The following PARD3B variants were observed in gnomAD, a reference collection of about 807,000 sequenced individuals.
The protein encoded by PARD3B is partitioning defective 3 homolog B.
Under a neutral mutation model 130.2 loss-of-function variants are expected in PARD3B, and 103 were observed. The observed-to-expected ratio is 0.79, with a 90% CI of 0.67 to 0.93. PARD3B has a LOEUF of 0.93. PARD3B is among the 40% of genes least tolerant of loss of function. PARD3B has a pLI of 0.00. For missense variants in PARD3B, 1,609 were observed against 1,499.2 expected, an observed-to-expected ratio of 1.07 and a Z score of -1.21; for synonymous variants, 583 against 553.2, an observed-to-expected ratio of 1.05 and a Z score of -0.76.
chr2:204,663,263 G>T (rs748278909), intron 1 of PARD3B, among the ~76,000 whole-genome samples: 3 of 152,130 alleles, frequency 2.0e-5, no homozygotes, highest in Non-Finnish European at 4.4e-5. Context: ...GCTAGCCTCG[G>T]CTTCCTGAGG....
chr2:205,131,564 G>C (rs1279303136), intron 10 of PARD3B, among the ~76,000 whole-genome samples: 1 of 152,178 alleles, frequency 6.6e-6, no homozygotes, highest in Non-Finnish European at 1.5e-5. Flanking sequence ...GAAAAGAAGA[G>C]TGATAAGTGG....
rs192958423 is a variant in PARD3B, at chr2:205,559,752, C to A, written c.3260+6349C>A. On this transcript the variant is annotated intron_variant, in intron 22 of 22. Coordinates refer to ENST00000406610, the MANE Select transcript of PARD3B (RefSeq NM_001302769.2). The stretch of plus-strand genomic sequence containing the variant: ...TAGCTAGGATTACAGGCACGCACCA[C>A]CATGCCCGGCTAATTTTTGTATTTT... Among the ~76,000 whole-genome samples, 76 of 152,148 alleles carry A rather than the reference C, an allele frequency of 5.0e-4. 1 individual carries two copies. The highest frequency in any genetic ancestry group is 1.8e-3 in the African/African-American group (73 of 41,528).
chr2:205,104,564 GT>G, intron 5 of PARD3B, 50 bp downstream of exon 5: 3 of 1,245,586 alleles, frequency 2.4e-6, no homozygotes, highest in South Asian at 1.3e-5. Context: ...AATTTGATGT[GT>G]TTTTTAATAG....
intron 4 of PARD3B, among the ~76,000 whole-genome samples, chr2:205,057,807 C>T (rs1699828326): frequency 6.6e-6 from 1 of 150,452 alleles, no homozygotes; most frequent in South Asian, 2.1e-4. Flanking sequence ...TTATATACAT[C>T]TCCTGCCTTG....
chr2:204,760,782 A>T (rs377089066), intron 2 of PARD3B, among the ~76,000 whole-genome samples: 1 of 152,188 alleles, frequency 6.6e-6, no homozygotes, highest in Non-Finnish European at 1.5e-5. Flanking sequence ...GTACTGTGCT[A>T]TAAAATGTCT....
intron 16 of PARD3B, among the ~76,000 whole-genome samples, chr2:205,252,275 C>T (rs2039881920): frequency 1.3e-5 from 2 of 152,224 alleles, no homozygotes; most frequent in South Asian, 4.1e-4. Flanking sequence ...TTATTAAATG[C>T]CCACTCTACA....
At chr2:205,127,247 A>G (rs1313347839) in intron 10 of PARD3B, among the ~76,000 whole-genome samples, 1 of 149,714 alleles carries the variant, frequency 6.7e-6, no homozygotes, top group Non-Finnish European at 1.5e-5. Context: ...CAGTGAGCCA[A>G]GATTGCACGA....
intron 2 of PARD3B, among the ~76,000 whole-genome samples, chr2:204,829,800 C>T (rs898143839): frequency 1.3e-5 from 2 of 151,978 alleles, no homozygotes; most frequent in African/African-American, 2.4e-5. Flanking sequence ...GAGATCAAGA[C>T]CATCCTGGCT....
At chr2:205,336,823 A>T (rs1194858878) in intron 18 of PARD3B, among the ~76,000 whole-genome samples, 3 of 152,176 alleles carry the variant, frequency 2.0e-5, no homozygotes, top group Non-Finnish European at 4.4e-5. Context: ...GGCCACTTTT[A>T]AGAACCAAGT....
At chr2:205,012,965 T>C (rs752075648) in intron 3 of PARD3B, among the ~76,000 whole-genome samples, 1 of 152,228 alleles carries the variant, frequency 6.6e-6, no homozygotes, top group African/African-American at 2.4e-5. Context: ...CTTTAACTTA[T>C]CTAGCATAAG....
intron 15 of PARD3B, among the ~76,000 whole-genome samples, chr2:205,200,711 A>G (rs1481089492): frequency 6.6e-6 from 1 of 152,248 alleles, no homozygotes; most frequent in Admixed American, 6.5e-5. Context: ...GTATACAGTG[A>G]ATAAATAATA....
At position 205,615,783 on chromosome 2, in the gene PARD3B, G is replaced by T. The variant is rs2055413735; in HGVS notation, c.3588G>T (p.Arg1196=). 1.2e-6 allele frequency: 2 copies of T among 1,613,780 alleles called. No individual in the cohort carries two copies. Among genetic ancestry groups the T allele is most frequent in the Non-Finnish European group, 1.7e-6 (2 of 1,179,852 alleles). The change falls in exon 23 of 23, where the codon CGG becomes CGT. Residue 1196 remains arginine, a synonymous_variant. Coordinates refer to ENST00000406610, the MANE Select transcript of PARD3B (RefSeq NM_001302769.2). ...ACCCTTACCGAACCCAGGATTCCCGGCAGAAGAACCCCATGACTGCAGCCG... is the reference window on the plus strand; with the variant it reads ...ACCCTTACCGAACCCAGGATTCCCGTCAGAAGAACCCCATGACTGCAGCCG... ...DQYPYRTQDS[R]QKNPMTAAV is the part of the protein sequence containing the mutation.
chr2:204,802,800 A>G (rs2042619100), intron 2 of PARD3B, among the ~76,000 whole-genome samples: 1 of 152,048 alleles, frequency 6.6e-6, no homozygotes, highest in African/African-American at 2.4e-5. Flanking sequence ...ATGAGAACAT[A>G]TGGACACAGG....
intron 4 of PARD3B, among the ~76,000 whole-genome samples, chr2:205,075,339 ATTTCT>A (rs1419950114): frequency 6.6e-6 from 1 of 152,104 alleles, no homozygotes; most frequent in Non-Finnish European, 1.5e-5. Context: ...TTATTTGTAG[ATTTCT>A]TTTCATTGCT....
intron 4 of PARD3B, among the ~76,000 whole-genome samples, chr2:205,052,651 A>G (rs1340355620): frequency 6.6e-6 from 1 of 151,754 alleles, no homozygotes; most frequent in Non-Finnish European, 1.5e-5. Flanking sequence ...AGATTAAATA[A>G]TGTAGGGAAG....
intron 22 of PARD3B, among the ~76,000 whole-genome samples, chr2:205,586,813 T>C (rs540738453): frequency 1.3e-5 from 2 of 152,292 alleles, no homozygotes; most frequent in East Asian, 3.9e-4. Context: ...TTTTCTTTTG[T>C]ACAAAGGCCA....
At chr2:204,581,465 T>A (rs889621152) in intron 1 of PARD3B, among the ~76,000 whole-genome samples, 7 of 152,176 alleles carry the variant, frequency 4.6e-5, no homozygotes, top group Non-Finnish European at 7.3e-5. Flanking sequence ...ATTTTTTTTT[T>A]ATTTTTTTAA....
At chr2:204,922,526 GA>G (rs1253122802) in intron 2 of PARD3B, among the ~76,000 whole-genome samples, 1 of 152,004 alleles carries the variant, frequency 6.6e-6, no homozygotes, top group African/African-American at 2.4e-5. Flanking sequence ...GTAGTAGAAC[GA>G]AAAGTCATAT....
intron 20 of PARD3B, among the ~76,000 whole-genome samples, chr2:205,447,255 C>T (rs1044688856): frequency 4.6e-5 from 7 of 152,174 alleles, no homozygotes; most frequent in Non-Finnish European, 8.8e-5. Flanking sequence ...GACCACTGGT[C>T]TCAGCTTCAG....
Sources: gnomAD v4.1 joint callset for allele counts (sites outside exome capture counted in the v4.1 genomes callset) on GRCh38, gnomAD v4.1.1 for gene constraint, MANE v1.5 for transcripts, NCBI Gene and HGNC (gene_info 2026-07-23, HGNC 2026-07-21) for gene names.